SPAG16: variants seen among roughly 807,000 people sequenced by gnomAD.
SPAG16 encodes sperm associated antigen 16, also known as sperm-associated antigen 16 protein.
In SPAG16, 86 loss-of-function variants were observed where a neutral mutation model predicts 80.4. The observed-to-expected ratio is 1.07, with a 90% CI of 0.90 to 1.28. The LOEUF is 1.28. SPAG16 is among the 50% of genes most tolerant of loss of function. The pLI is 0.00. For missense variants in SPAG16, 870 were observed against 765.3 expected (o/e 1.14, Z -1.61); for synonymous variants, 294 against 265.9 (o/e 1.11, Z -1.03).
intron 15 of SPAG16, among the ~76,000 whole-genome samples, chr2:214,318,628 G>A (rs949578699): frequency 6.6e-6 from 1 of 151,964 alleles, no homozygotes; most frequent in East Asian, 1.9e-4. Flanking sequence ...CACCCACCTT[G>A]ACCTCCCAAA....
chr2:213,473,967 A>G (rs1287681456), intron 9 of SPAG16, among the ~76,000 whole-genome samples: 1 of 152,180 alleles, frequency 6.6e-6, no homozygotes, highest in Non-Finnish European at 1.5e-5. Context: ...TTTCCTGGCA[A>G]CTGCCTCAGG....
chr2:213,548,755 G>T (rs144425552), intron 10 of SPAG16, among the ~76,000 whole-genome samples: 7 of 151,844 alleles, frequency 4.6e-5, no homozygotes, highest in African/African-American at 1.4e-4. Flanking sequence ...TTTTTGTATG[G>T]TATAAACTTT....
intron 15 of SPAG16, among the ~76,000 whole-genome samples, chr2:214,241,530 A>C (rs933033405): frequency 6.6e-6 from 1 of 152,192 alleles, no homozygotes; most frequent in Non-Finnish European, 1.5e-5. Context: ...CAGTATCAGT[A>C]AATATGGCTT....
In SPAG16 at chr2:213,293,374, A is replaced by T. The variant is rs6759627; in HGVS notation, c.137-2690A>T. ...CCTCCTAATATTCATGCTCTTGTGT[A>T]ATCCTCACACACTGAGTAGACGTGA... On this transcript the variant is annotated intron_variant, in intron 1 of 15. Transcript: ENST00000331683. 2.0e-5 allele frequency among the ~76,000 whole-genome samples: 3 copies of T among 152,280 alleles called. No individual in the cohort carries two copies. In the South Asian group the frequency reaches 6.2e-4, roughly 32 times the overall value.
At chr2:213,846,615 C>T (rs1201174344) in intron 10 of SPAG16, among the ~76,000 whole-genome samples, 2 of 151,908 alleles carry the variant, frequency 1.3e-5, no homozygotes, top group Admixed American at 6.6e-5. Flanking sequence ...TTTTTATAGG[C>T]AACATTCTAA....
intron 10 of SPAG16, among the ~76,000 whole-genome samples, chr2:213,691,145 T>G (rs1317279825): frequency 1.3e-5 from 2 of 152,130 alleles, no homozygotes; most frequent in South Asian, 2.1e-4. Flanking sequence ...CACTCTTCAA[T>G]AAGCCTAATC....
chr2:213,536,238 A>T (rs942097469), intron 10 of SPAG16, among the ~76,000 whole-genome samples: 5 of 152,144 alleles, frequency 3.3e-5, no homozygotes. Context: ...GTTGAACTAT[A>T]TGAAATTTCG....
chr2:214,253,796 T>C (rs1457023762), intron 15 of SPAG16, among the ~76,000 whole-genome samples: 1 of 152,202 alleles, frequency 6.6e-6, no homozygotes, highest in Non-Finnish European at 1.5e-5. Context: ...AGCTCTCTTT[T>C]GGGTCTGTAT....
At chr2:213,463,822 T>G (rs76450914) in intron 9 of SPAG16, among the ~76,000 whole-genome samples, 1 of 152,222 alleles carries the variant, frequency 6.6e-6, no homozygotes, top group African/African-American at 2.4e-5. Flanking sequence ...GCAGTTTTTT[T>G]GCTTCTGTAG....
At chr2:213,798,295 C>T (rs1305722061) in intron 10 of SPAG16, among the ~76,000 whole-genome samples, 2 of 152,056 alleles carry the variant, frequency 1.3e-5, no homozygotes, top group East Asian at 3.9e-4. Flanking sequence ...TCACTGTTGC[C>T]CAGGCTGGAA....
At chr2:213,428,488 A>C (rs536561699) in intron 9 of SPAG16, among the ~76,000 whole-genome samples, 29 of 152,268 alleles carry the variant, frequency 1.9e-4, no homozygotes, top group Admixed American at 1.3e-3. Context: ...CAGCAGTGGC[A>C]GACTTGGGCA....
intron 9 of SPAG16, among the ~76,000 whole-genome samples, chr2:213,443,466 T>A (rs2071108973): frequency 6.6e-6 from 1 of 152,328 alleles, no homozygotes; most frequent in African/African-American, 2.4e-5. Flanking sequence ...AATTCATCCA[T>A]GTTGTCATAA....
At chr2:213,970,225 ACAC>A (rs2044955065) in intron 12 of SPAG16, among the ~76,000 whole-genome samples, 1 of 152,132 alleles carries the variant, frequency 6.6e-6, no homozygotes, top group Non-Finnish European at 1.5e-5. Context: ...TTTTGGGGGA[ACAC>A]AAACATTTAG....
At chr2:214,019,073 T>TATAAAAC (rs57494025) in intron 13 of SPAG16, among the ~76,000 whole-genome samples, 1 of 151,826 alleles carries the variant, frequency 6.6e-6, no homozygotes, top group Non-Finnish European at 1.5e-5. Context: ...TCTTCAAAGT[T>TATAAAAC]GAAGACTATT....
chr2:213,316,554 G>C (rs2126133737), intron 4 of SPAG16, among the ~76,000 whole-genome samples: 1 of 152,098 alleles, frequency 6.6e-6, no homozygotes, highest in South Asian at 2.1e-4. Flanking sequence ...GTGACTCCCT[G>C]CTGTTTTCCT....
intron 5 of SPAG16, among the ~76,000 whole-genome samples, chr2:213,335,085 A>G (rs2064288448): frequency 6.6e-6 from 1 of 152,204 alleles, no homozygotes; most frequent in African/African-American, 2.4e-5. Context: ...ACCCACAAAA[A>G]TTTTAAAAAG....
intron 15 of SPAG16, among the ~76,000 whole-genome samples, chr2:214,153,956 G>A (rs1045007480): frequency 6.6e-6 from 1 of 152,138 alleles, no homozygotes; most frequent in East Asian, 1.9e-4. Flanking sequence ...AGATACATGT[G>A]TATAGTAGTA....
intron 15 of SPAG16, among the ~76,000 whole-genome samples, chr2:214,248,162 T>A (rs1422543881): frequency 6.6e-6 from 1 of 151,610 alleles, no homozygotes; most frequent in Non-Finnish European, 1.5e-5. Flanking sequence ...GAAAACAACA[T>A]AAAGAAACAT....
At chr2:214,373,935 T>G (rs909308102) in intron 15 of SPAG16, among the ~76,000 whole-genome samples, 2 of 152,200 alleles carry the variant, frequency 1.3e-5, no homozygotes, top group African/African-American at 4.8e-5. Flanking sequence ...TGAACCATGT[T>G]CCAGGGATAT....
Sources: allele counts gnomAD v4.1 joint callset (sites outside exome capture counted in the v4.1 genomes callset), GRCh38; gene constraint gnomAD v4.1.1; transcripts MANE v1.5; gene names NCBI Gene and HGNC (gene_info 2026-07-23, HGNC 2026-07-21).